Variants in IGDCC3 observed in about 807,000 individuals in gnomAD.
IGDCC3 encodes the protein putative neuronal cell adhesion molecule.
A neutral mutation model predicts 72.0 loss-of-function variants in IGDCC3; 47 were observed. The observed-to-expected ratio is 0.65, with a 90% confidence interval of 0.52 to 0.83. IGDCC3 has a LOEUF of 0.83. Ranked by LOEUF, IGDCC3 falls within the 40% of genes least tolerant of loss-of-function variation. IGDCC3 has a pLI of 0.00. For synonymous variants in IGDCC3, 477 were observed against 472.8 expected, an observed-to-expected ratio of 1.01 and a Z score of -0.11; for missense variants, 1,038 against 1,091.3, an observed-to-expected ratio of 0.95 and a Z score of 0.69.
intron 2 of IGDCC3, chr15:65,355,721 C>G: frequency 2.2e-6 from 1 of 445,256 alleles, no homozygotes; most frequent in Non-Finnish European, 4.5e-6. Flanking sequence ...CTAATTACCT[C>G]GCTCGCACCA....
chr15:65,356,674 GT>G (rs983929578), intron 2 of IGDCC3, among the ~76,000 whole-genome samples: 7 of 22,418 alleles, frequency 3.1e-4, no homozygotes, highest in Admixed American at 9.3e-4. Flanking sequence ...AACAAAGTGG[GT>G]TTTTTTTTAA....
chr15:65,363,222 G>C (rs1439039507), intron 2 of IGDCC3, among the ~76,000 whole-genome samples: 1 of 152,160 alleles, frequency 6.6e-6, no homozygotes, highest in African/African-American at 2.4e-5. Flanking sequence ...AGGTGGAAAG[G>C]GGTTAGGTTG....
chr15:65,351,095 T>G (rs532067452), intron 2 of IGDCC3, among the ~76,000 whole-genome samples: 1 of 152,214 alleles, frequency 6.6e-6, no homozygotes, highest in Non-Finnish European at 1.5e-5. Flanking sequence ...TTGTAAGATA[T>G]TCTGTGTGTG....
chr15:65,377,811 C>G lies in IGDCC3; in HGVS notation c.-23G>C, dbSNP rs1295685125. The G allele has an allele frequency of 1.9e-5, 23 of 1,183,796 alleles. No homozygotes were observed. The highest frequency in any genetic ancestry group is 4.6e-5 in the Admixed American group (1 of 21,938). The allele number at this position is 1,183,796 out of a possible 1,614,324, so 73.3% of individuals were successfully genotyped here. On this transcript the variant is annotated 5_prime_UTR_variant, in exon 1 of 14. Transcript: ENST00000327987. The surrounding 1 kb of genome is among the most constrained non-coding windows in gnomAD (Gnocchi z 4.9). Reference sequence around the variant, plus strand: ...CATGGGGCTCTCGGTCAGCTCGGCTCGGCGACGCGCGGCTCCCGGGCCTCT... The same window carrying G: ...CATGGGGCTCTCGGTCAGCTCGGCTGGGCGACGCGCGGCTCCCGGGCCTCT...
chr15:65,343,842 G>A (rs1032345046), intron 2 of IGDCC3, among the ~76,000 whole-genome samples: 1 of 152,214 alleles, frequency 6.6e-6, no homozygotes, highest in Admixed American at 6.5e-5. Flanking sequence ...GGAGAAAGGT[G>A]GTGGAGAGAA....
chr15:65,333,422 AG>A lies in IGDCC3; in HGVS notation c.824-8del, dbSNP rs747180799. 9 of 1,591,490 alleles carry A rather than the reference AG, an allele frequency of 5.7e-6. No homozygotes were observed. The highest frequency in any genetic ancestry group is 8.6e-7 in the Non-Finnish European group (1 of 1,168,750). ...ACCCCGATAGGGCGACCATCTGCAG[AG>A]GAAGGGGAGGGGGGATGGGTGAGGG... On this transcript the variant is annotated splice_region_variant and splice_polypyrimidine_tract_variant and intron_variant, in intron 5 of 13. Coordinates refer to ENST00000327987, the MANE Select transcript of IGDCC3 (RefSeq NM_004884.4).
At chr15:65,370,853 A>C (rs1461200694) in intron 2 of IGDCC3, among the ~76,000 whole-genome samples, 1 of 151,980 alleles carries the variant, frequency 6.6e-6, no homozygotes, top group Admixed American at 6.6e-5. Context: ...CAAACTCCTG[A>C]CTTCAAGCGA....
intron 3 of IGDCC3, among the ~76,000 whole-genome samples, 180 bp downstream of exon 3, chr15:65,335,632 C>T (rs492879): frequency 0.029 from 4,428 of 152,220 alleles, 215 homozygotes; most frequent in African/African-American, 0.097. Context: ...CATGAGCCTA[C>T]AATCTGGGCC....
chr15:65,339,010 C>A lies in IGDCC3; in HGVS notation c.410-3054G>T, dbSNP rs2091055363. ...CTTGACCTCTCAGGCTCAGGTGATC[C>A]TCCCGCCTCAGCCTCCTGAGGAGCT... On this transcript the variant is annotated intron_variant, in intron 2 of 13. Coordinates refer to ENST00000327987, the MANE Select transcript of IGDCC3 (RefSeq NM_004884.4). The surrounding 1 kb of genome is among the most constrained non-coding windows in gnomAD (Gnocchi z 4.1). 6.6e-6 allele frequency among the ~76,000 whole-genome samples: 1 copy of A among 152,202 alleles called. No homozygotes were observed. Among genetic ancestry groups the A allele is most frequent in the Non-Finnish European group, 1.5e-5 (1 of 68,046 alleles).
At chr15:65,372,242 G>A (rs1414868014) in intron 2 of IGDCC3, among the ~76,000 whole-genome samples, 1 of 152,176 alleles carries the variant, frequency 6.6e-6, no homozygotes. Flanking sequence ...AGGATCACAT[G>A]CACGTTTCAC....
At chr15:65,337,924 A>C (rs1040241026) in intron 2 of IGDCC3, among the ~76,000 whole-genome samples, 4 of 152,192 alleles carry the variant, frequency 2.6e-5, no homozygotes, top group African/African-American at 7.2e-5. Flanking sequence ...TTAAGGAACA[A>C]ATCCTTTTGT....
intron 2 of IGDCC3, among the ~76,000 whole-genome samples, chr15:65,370,778 C>T (rs2091321448): frequency 1.3e-5 from 2 of 151,576 alleles, no homozygotes; most frequent in Non-Finnish European, 2.9e-5. Context: ...TATTATTCCT[C>T]CCCCATGTTA....
chr15:65,376,322 G>A (rs2091358587), intron 1 of IGDCC3, among the ~76,000 whole-genome samples: 1 of 152,338 alleles, frequency 6.6e-6, no homozygotes, highest in South Asian at 2.1e-4. Flanking sequence ...TCAGAAGCCC[G>A]GCTGGAGGGA....
At chr15:65,334,938 G>A (rs1322004426) in intron 4 of IGDCC3, 73 bp from the exon 5 acceptor site, 2 of 1,491,786 alleles carry the variant, frequency 1.3e-6, no homozygotes, top group African/African-American at 2.8e-5. Flanking sequence ...CCACAGCCCA[G>A]GACACAGCGG....
chr15:65,329,173 G>T lies in IGDCC3; in HGVS notation c.2206-25C>A. ...GCTGGGGAAAGAGCCCGTCACACAG[G>T]CGTCAGCTTGAGGGCCAGGGCGCCA... is the stretch of plus-strand genomic sequence containing the variant. On this transcript the variant is annotated intron_variant, in intron 13 of 13. Coordinates refer to ENST00000327987, the MANE Select transcript of IGDCC3 (RefSeq NM_004884.4). The surrounding 1 kb of genome is among the most constrained non-coding windows in gnomAD (Gnocchi z 4.1). 1 of 1,588,158 alleles carries T rather than the reference G, an allele frequency of 6.3e-7. No individual in the cohort carries two copies. The highest frequency in any genetic ancestry group is 8.6e-7 in the Non-Finnish European group (1 of 1,168,802).
At chr15:65,353,201 TTTCCTTCC>T (rs915798699) in intron 2 of IGDCC3, among the ~76,000 whole-genome samples, 18 of 151,736 alleles carry the variant, frequency 1.2e-4, no homozygotes, top group African/African-American at 4.1e-4. Flanking sequence ...TTTTTTTTTT[TTTCCTTCC>T]TTCCTTCCTT....
At position 65,355,748 on chromosome 15, in the gene IGDCC3, G is replaced by T. The variant is rs1292459601; in HGVS notation, c.409+19349C>A. The stretch of plus-strand genomic sequence containing the variant: ...CTCGCACCACCGCGGGTGAATGAGA[G>T]AATCCGGCATTGTGCGCGGCGAATG... On this transcript the variant is annotated intron_variant, in intron 2 of 13. Coordinates refer to ENST00000327987, the MANE Select transcript of IGDCC3 (RefSeq NM_004884.4). The T allele has an allele frequency of 3.1e-5, 14 of 453,228 alleles. No homozygotes were observed. In the Admixed American group the frequency reaches 3.3e-4, roughly 11 times the overall value. The allele number at this position is 453,228 out of a possible 1,614,324, so 28.1% of individuals were successfully genotyped here. A position where few individuals can be genotyped will look rare whatever the true frequency, so the allele number is the denominator to read the frequency against.
intron 6 of IGDCC3, 117 bp from the exon 7 acceptor site, chr15:65,332,223 A>C: frequency 8.1e-7 from 1 of 1,233,790 alleles, no homozygotes; most frequent in Non-Finnish European, 1.1e-6. Flanking sequence ...GGCTCCAAAC[A>C]CACATCTGCC....
At chr15:65,366,207 CAAAAAAAA>C (rs35152855) in intron 2 of IGDCC3, among the ~76,000 whole-genome samples, 1 of 76,780 alleles carries the variant, frequency 1.3e-5, no homozygotes, top group Non-Finnish European at 2.7e-5. Flanking sequence ...GACATTGTCT[CAAAAAAAA>C]AAAAAAAAAA....
Sources: gnomAD v4.1 joint callset for allele counts (sites outside exome capture counted in the v4.1 genomes callset) on GRCh38, gnomAD v4.1.1 for gene constraint, Gnocchi (gnomAD v3.1) non-coding constraint, MANE v1.5 for transcripts, NCBI Gene and HGNC (gene_info 2026-07-23, HGNC 2026-07-21) for gene names.